Variants in WEE1 observed in about 807,000 individuals in gnomAD.
The protein encoded by WEE1 is wee1-like protein kinase.
WEE1 carries 16 observed loss-of-function variants against 68.8 expected under a neutral mutation model. That is an observed-to-expected ratio of 0.23 (90% confidence interval 0.16 to 0.35). WEE1 has a LOEUF of 0.35. Ranked by LOEUF, WEE1 falls within the 10% of genes least tolerant of loss-of-function variation. The probability of loss-of-function intolerance (pLI) is 1.00; values close to 1 mark genes in which losing one functional copy is unlikely to be tolerated. For missense variants in WEE1, 651 were observed against 824.1 expected (o/e 0.79, Z 2.57); for synonymous variants, 349 against 318.7 (o/e 1.09, Z -1.01).
intron 4 of WEE1, 72 bp from the exon 5 acceptor site, chr11:9,577,070 T>G (rs550434381): frequency 6.7e-7 from 1 of 1,493,972 alleles, no homozygotes; most frequent in Non-Finnish European, 9.0e-7. Context: ...GTATGAAGTT[T>G]CAGATAAATT....
Position 9,573,791 on chromosome 11 carries a change from C to A in WEE1, c.-143C>A. 1 of 630,146 alleles carries A rather than the reference C, an allele frequency of 1.6e-6. No individual in the cohort carries two copies. The allele number at this position is 630,146 out of a possible 1,614,324, so 39.0% of individuals were successfully genotyped here. On this transcript the variant is annotated 5_prime_UTR_variant, in exon 1 of 11. Transcript: ENST00000450114. ...CGTCCGCAGCCCGAGCGCCCCGGAG[C>A]CGCAGGCCGCCGCCGCGCAGAGACG... is the stretch of plus-strand genomic sequence containing the variant.
rs1849534401 is a variant in WEE1 at position 9,574,032 on chromosome 11, T to TGAGGAGGAGGAAGAAGAG, written c.111_128dup (p.Glu38_Glu43dup). ...TGATCTTCTCGCCCTGCAGCGACTG[T>TGAGGAGGAGGAAGAAGAG]GAGGAGGAGGAAGAAGAGGAGGAGG... On this transcript the variant is annotated inframe_insertion, in exon 1 of 11. Transcript: ENST00000450114. This position sits in a 1 kb window ranked among gnomAD's most constrained non-coding sequence, Gnocchi z 4.9. The TGAGGAGGAGGAAGAAGAG allele has an allele frequency of 1.6e-6, 2 of 1,264,780 alleles. No individual in the cohort carries two copies. The highest frequency in any genetic ancestry group is 2.0e-6 in the Non-Finnish European group (2 of 1,004,394). 78.3% of individuals were successfully genotyped at this position (1,264,780 alleles called of 1,614,324 possible). A position where few individuals can be genotyped will look rare whatever the true frequency, so the allele number is the denominator to read the frequency against.
chr11:9,575,412 C>A (rs982574128), intron 1 of WEE1: 133 of 994,228 alleles, frequency 1.3e-4, no homozygotes, highest in Non-Finnish European at 1.5e-4. Context: ...TGTTTGTCAT[C>A]AGCCTAGGCA....
rs746735077 is a variant in WEE1, at chr11:9,574,380, G to A, written c.447G>A (p.Ala149=). The change falls in exon 1 of 11, where the codon GCG becomes GCA. Residue 149 remains alanine, a synonymous_variant. Transcript: ENST00000450114. The surrounding 1 kb of genome is among the most constrained non-coding windows in gnomAD (Gnocchi z 4.9). ...TGCGCTGCGGCGGCCCAGGAGATGC[G>A]TCGCCGCGGGGTTGCGGGGCGCGCC... is the stretch of plus-strand genomic sequence containing the variant. The part of the protein sequence containing the change: ...SPVRCGGPGD[A]SPRGCGARRA... The A allele has an allele frequency of 5.2e-5, 63 of 1,219,990 alleles. 1 individual carries two copies. The African/African-American group carries it at 8.9e-4, about 17-fold the overall frequency. The allele number at this position is 1,219,990 out of a possible 1,614,324, so 75.6% of individuals were successfully genotyped here.
chr11:9,586,938 C>G (rs1429532006), intron 10 of WEE1, 82 bp downstream of exon 10: 34 of 1,440,928 alleles, frequency 2.4e-5, no homozygotes, highest in Non-Finnish European at 2.9e-5. Flanking sequence ...TTTAAGCTTT[C>G]TGTCAACAAA....
chr11:9,576,301 G>C lies in WEE1; in HGVS notation c.846+8G>C. ...GAAACAAGACCTGCTAAGGTAAATA[G>C]CTTTTTATTTTTATTTTTTTGAAAT... On this transcript the variant is annotated splice_region_variant and intron_variant, in intron 3 of 10. Transcript: ENST00000450114. This position sits in a 1 kb window ranked among gnomAD's most constrained non-coding sequence, Gnocchi z 4.3. The C allele has an allele frequency of 6.6e-7, 1 of 1,524,628 alleles. No individual in the cohort carries two copies. The highest frequency in any genetic ancestry group is 8.9e-7 in the Non-Finnish European group (1 of 1,127,938). 94.4% of individuals were successfully genotyped at this position (1,524,628 alleles called of 1,614,324 possible). A position where few individuals can be genotyped will look rare whatever the true frequency, so the allele number is the denominator to read the frequency against.
chr11:9,574,673 T>G lies in WEE1; in HGVS notation c.576+164T>G. 9.1e-7 allele frequency: 1 copy of G among 1,098,428 alleles called. No homozygotes were observed. The highest frequency in any genetic ancestry group is 5.1e-5 in the Admixed American group (1 of 19,720). The allele number at this position is 1,098,428 out of a possible 1,614,324, so 68.0% of individuals were successfully genotyped here. On this transcript the variant is annotated intron_variant, in intron 1 of 10. Transcript: ENST00000450114. The surrounding 1 kb of genome is among the most constrained non-coding windows in gnomAD (Gnocchi z 4.9). ...CTTGTGTTTGGCCCTGCCCCGAGGTTGTCCGTTGAGATTATGTAACTGAAC... is the reference window on the plus strand; with the variant it reads ...CTTGTGTTTGGCCCTGCCCCGAGGTGGTCCGTTGAGATTATGTAACTGAAC...
intron 6 of WEE1, among the ~76,000 whole-genome samples, chr11:9,583,372 T>C (rs1367996433): frequency 2.6e-5 from 4 of 151,768 alleles, no homozygotes; most frequent in Non-Finnish European, 5.9e-5. Context: ...CCCAGCACTT[T>C]GGGAGGCTGA....
At position 9,585,544 on chromosome 11, in the gene WEE1, C is replaced by T. The variant is rs774592234; in HGVS notation, c.1470+17C>T. The T allele has an allele frequency of 1.3e-6, 2 of 1,557,760 alleles. No homozygotes were observed. Among genetic ancestry groups the T allele is most frequent in the South Asian group, 2.5e-5 (2 of 80,440 alleles). On this transcript the variant is annotated intron_variant, in intron 8 of 10. Transcript: ENST00000450114. ...TTACAGGAGGTAATTTTTCTTCTCC[C>T]TTAATCATAGTTTGCTTTGTAACAC...
In WEE1 at chr11:9,573,746, C is replaced by T. The variant is rs1215398566; in HGVS notation, c.-188C>T. 1.8e-5 allele frequency: 5 copies of T among 271,022 alleles called. No individual in the cohort carries two copies. The highest frequency in any genetic ancestry group is 1.4e-3 in the Middle Eastern group (1 of 726). 16.8% of individuals were successfully genotyped at this position (271,022 alleles called of 1,614,324 possible). A position where few individuals can be genotyped will look rare whatever the true frequency, so the allele number is the denominator to read the frequency against. The stretch of plus-strand genomic sequence containing the variant: ...GCCGCCCCGCCTCTGCCGGAAAGTC[C>T]GCGCCGCCGCTGCCGCCACCGTCCG... On this transcript the variant is annotated 5_prime_UTR_variant, in exon 1 of 11. Transcript: ENST00000450114.
At position 9,576,215 on chromosome 11, in the gene WEE1, T is replaced by A. The variant is rs540516092; in HGVS notation, c.783-15T>A. The A allele has an allele frequency of 6.5e-7, 1 of 1,545,366 alleles. No homozygotes were observed. The highest frequency in any genetic ancestry group is 1.4e-5 in the African/African-American group (1 of 72,878). On this transcript the variant is annotated splice_polypyrimidine_tract_variant and intron_variant, in intron 2 of 10. Transcript: ENST00000450114. This position sits in a 1 kb window ranked among gnomAD's most constrained non-coding sequence, Gnocchi z 4.3. ...TCTGTCAGATATATTGATAGAAAAA[T>A]AACATTTTTTTTAGTTCCTGTGGTG...
intron 5 of WEE1, chr11:9,581,275 C>G (rs967963165): frequency 1.6e-5 from 6 of 371,386 alleles, no homozygotes; most frequent in Non-Finnish European, 2.4e-5. Flanking sequence ...TACTGGTTTA[C>G]TCTGAGAAAG....
At chr11:9,582,789 A>T (rs904779728) in intron 6 of WEE1, among the ~76,000 whole-genome samples, 18 of 151,494 alleles carry the variant, frequency 1.2e-4, no homozygotes, top group Non-Finnish European at 2.2e-4. Context: ...CTGGTCTTGA[A>T]CTATTGACCT....
chr11:9,574,915 A>G lies in WEE1; in HGVS notation c.576+406A>G. The stretch of plus-strand genomic sequence containing the variant: ...TTTTAAACGCGGCGATCGGGCCTGT[A>G]ATTTGGGCGGCGCGGGCAGAAGGAG... On this transcript the variant is annotated intron_variant, in intron 1 of 10. Coordinates refer to ENST00000450114, the MANE Select transcript of WEE1 (RefSeq NM_003390.4). This position sits in a 1 kb window ranked among gnomAD's most constrained non-coding sequence, Gnocchi z 4.9. 8 of 985,968 alleles carry G rather than the reference A, an allele frequency of 8.1e-6. No individual in the cohort carries two copies. The highest frequency in any genetic ancestry group is 9.6e-6 in the Non-Finnish European group (8 of 830,382). 61.1% of individuals were successfully genotyped at this position (985,968 alleles called of 1,614,324 possible).
Position 9,585,543 on chromosome 11 carries a change from C to A in WEE1, c.1470+16C>A. On this transcript the variant is annotated intron_variant, in intron 8 of 10. Transcript: ENST00000450114. The stretch of plus-strand genomic sequence containing the variant: ...TTTACAGGAGGTAATTTTTCTTCTC[C>A]CTTAATCATAGTTTGCTTTGTAACA... The A allele has an allele frequency of 6.4e-7, 1 of 1,558,460 alleles. No homozygotes were observed. The highest frequency in any genetic ancestry group is 2.3e-5 in the East Asian group (1 of 44,338).
In WEE1 at chr11:9,585,307, A is replaced by G. The variant is rs1276946389; in HGVS notation, c.1338A>G (p.Glu446=). 2.5e-6 allele frequency: 4 copies of G among 1,614,184 alleles called. No homozygotes were observed. Among genetic ancestry groups the G allele is most frequent in the South Asian group, 2.2e-5 (2 of 91,084 alleles). Residue 446 remains glutamate, a synonymous_variant, in exon 7 of 11, where the codon GAA becomes GAG. Transcript: ENST00000450114. ...RTSIPNAASE[E]GDEDDWASNK... ...CAATCCCAAATGCTGCCTCTGAAGAAGGAGACGAAGATGATTGGGCATCCA... is the reference window on the plus strand; with the variant it reads ...CAATCCCAAATGCTGCCTCTGAAGAGGGAGACGAAGATGATTGGGCATCCA...
intron 6 of WEE1, among the ~76,000 whole-genome samples, chr11:9,583,761 G>GCACACACACACA (rs1157681380): frequency 1.8e-4 from 9 of 48,936 alleles, no homozygotes; most frequent in East Asian, 8.1e-4. Flanking sequence ...GCACGCGCGC[G>GCACACACACACA]CACACACACA....
In WEE1 at chr11:9,589,100, A is replaced by G; in HGVS notation, c.*498A>G. On this transcript the variant is annotated 3_prime_UTR_variant, in exon 11 of 11. Coordinates refer to ENST00000450114, the MANE Select transcript of WEE1 (RefSeq NM_003390.4). ...ACTGGGAGCACTTTGTAGGCATTGC[A>G]TGAACCATGGGATGATGATTCTGTG... 3.0e-6 allele frequency: 3 copies of G among 985,782 alleles called. No individual in the cohort carries two copies. Among genetic ancestry groups the G allele is most frequent in the Non-Finnish European group, 3.6e-6 (3 of 829,920 alleles). 61.1% of individuals were successfully genotyped at this position (985,782 alleles called of 1,614,324 possible).
In WEE1 at chr11:9,588,467, G is replaced by C. The variant is rs761442214; in HGVS notation, c.1806G>C (p.Gln602His). The C allele has an allele frequency of 6.3e-7, 1 of 1,596,334 alleles. No individual in the cohort carries two copies. Among genetic ancestry groups the C allele is most frequent in the Non-Finnish European group, 8.5e-7 (1 of 1,175,536 alleles). ...ATGTCAGAGAACTCAAGAAAGCACA[G>C]ATGGCAAAAGCTGCAGCTGAGGAAA... is the stretch of plus-strand genomic sequence containing the variant. The part of the protein sequence containing the change: ...SLLQKELKKA[Q>H]MAKAAAEERA... The change falls in exon 11 of 11, where the codon CAG becomes CAC. Residue 602 changes from glutamine (Q) to histidine (H), a missense_variant. Around this residue, in one of 5 missense-constraint regions of WEE1, gnomAD observed 115 missense variants for 142.7 expected, o/e 0.81. Coordinates refer to ENST00000450114, the MANE Select transcript of WEE1 (RefSeq NM_003390.4).
Sources: gnomAD v4.1 joint callset for allele counts (sites outside exome capture counted in the v4.1 genomes callset) on GRCh38, gnomAD v4.1.1 for gene constraint, gnomAD v4.1.1 regional missense constraint, Gnocchi (gnomAD v3.1) non-coding constraint, MANE v1.5 for transcripts, NCBI Gene and HGNC (gene_info 2026-07-23, HGNC 2026-07-21) for gene names.